Variants in A2ML1 observed in about 807,000 individuals in gnomAD.
A2ML1 encodes alpha-2-macroglobulin like 1.
A2ML1 carries 161 observed loss-of-function variants against 181.9 expected under a neutral mutation model. The ratio of observed to expected loss-of-function variants is 0.89; its 90% CI spans 0.78 to 1.01. The LOEUF (loss-of-function observed/expected upper bound fraction) is 1.01. Among genes scored for constraint, A2ML1 ranks in the 50% least tolerant of loss-of-function variants. A2ML1 has a pLI of 0.00. For missense variants in A2ML1, 1,670 were observed against 1,768.1 expected (o/e 0.94, Z 1.00); for synonymous variants, 663 against 666.8 (o/e 0.99, Z 0.09).
rs1436270574 is a variant in A2ML1 at position 8,847,682 on chromosome 12, AG to A, written c.1818del (p.Glu606AspfsTer2). 1.2e-6 allele frequency: 2 copies of A among 1,612,186 alleles called. No homozygotes were observed. The highest frequency in any genetic ancestry group is 1.7e-6 in the Non-Finnish European group (2 of 1,179,298). ...GTCTTACTGCTTAGGCCAGACAGAG[AG>A]CTGAGCAACCGCTCTGTGAGTAACT... ...ESVLLLRPDR[E>X]LSNRSVYGMF... On this transcript the variant is annotated frameshift_variant, in exon 15 of 36. Coordinates refer to ENST00000299698, the MANE Select transcript of A2ML1 (RefSeq NM_144670.6). LOFTEE classifies it high-confidence loss of function.
chr12:8,850,682 T>C (rs1231046827), intron 18 of A2ML1, among the ~76,000 whole-genome samples: 2 of 152,196 alleles, frequency 1.3e-5, no homozygotes, highest in African/African-American at 4.8e-5. Context: ...TGGATCTAAA[T>C]CTTAAGCAAA....
chr12:8,823,493 A>G, intron 2 of A2ML1, 128 bp downstream of exon 2: 2 of 1,187,518 alleles, frequency 1.7e-6, no homozygotes, highest in Admixed American at 5.1e-5. Context: ...TTTTTTCTCA[A>G]CTTAACCTCA....
At chr12:8,860,613 G>A (rs759366677) in intron 26 of A2ML1, among the ~76,000 whole-genome samples, 14 of 152,056 alleles carry the variant, frequency 9.2e-5, no homozygotes, top group Admixed American at 2.6e-4. Flanking sequence ...CTTCTCTTGG[G>A]TTTCTTAAAT....
chr12:8,874,882 A>AG, intron 34 of A2ML1, 89 bp from the exon 35 acceptor site: 1 of 1,256,020 alleles, frequency 8.0e-7, no homozygotes, highest in South Asian at 1.3e-5. Context: ...ATTCTCTGGA[A>AG]GGGGCTCAAG....
intron 4 of A2ML1, among the ~76,000 whole-genome samples, chr12:8,833,833 T>G (rs992619465): frequency 6.6e-6 from 1 of 152,178 alleles, no homozygotes; most frequent in African/African-American, 2.4e-5. Context: ...GATCTCCTTA[T>G]TTTTTGCTTT....
At chr12:8,871,300 G>T (rs1457135780) in intron 33 of A2ML1, among the ~76,000 whole-genome samples, 1 of 152,144 alleles carries the variant, frequency 6.6e-6, no homozygotes, top group Non-Finnish European at 1.5e-5. Flanking sequence ...GGTGTTCAGT[G>T]TGCACTCCAA....
At chr12:8,845,691 C>CA (rs1057475677) in intron 13 of A2ML1, among the ~76,000 whole-genome samples, 189 bp downstream of exon 13, 7 of 150,054 alleles carry the variant, frequency 4.7e-5, no homozygotes, top group Admixed American at 6.6e-5. Context: ...ACTAAAAATA[C>CA]AAAAAAAAAT....
Position 8,852,857 on chromosome 12 carries a change from G to A in A2ML1, c.2590+521G>A, listed in dbSNP as rs1027947457. 1.1e-4 allele frequency among the ~76,000 whole-genome samples: 17 copies of A among 152,010 alleles called. No individual in the cohort carries two copies. The highest frequency in any genetic ancestry group is 4.6e-4 in the Admixed American group (7 of 15,264). On this transcript the variant is annotated intron_variant, in intron 20 of 35. Coordinates refer to ENST00000299698, the MANE Select transcript of A2ML1 (RefSeq NM_144670.6). The surrounding 1 kb of genome is among the most constrained non-coding windows in gnomAD (Gnocchi z 4.2). ...ATTACAGTCGCGTGCCACCCTACCCGGCTAATTTTTGTACTTTTAGTAGAG... is the reference window on the plus strand; with the variant it reads ...ATTACAGTCGCGTGCCACCCTACCCAGCTAATTTTTGTACTTTTAGTAGAG...
intron 5 of A2ML1, 84 bp from the exon 6 acceptor site, chr12:8,835,423 G>A: frequency 6.4e-7 from 1 of 1,565,644 alleles, no homozygotes; most frequent in Non-Finnish European, 8.7e-7. Flanking sequence ...TTTTTTACCT[G>A]CCTTTTGCTT....
chr12:8,828,530 G>A (rs763233808), intron 3 of A2ML1, among the ~76,000 whole-genome samples: 2 of 152,248 alleles, frequency 1.3e-5, no homozygotes, highest in South Asian at 4.2e-4. Flanking sequence ...AGCAGGTCCA[G>A]AAATGGCATC....
At chr12:8,841,611 C>T in intron 11 of A2ML1, 75 bp downstream of exon 11, 1 of 1,455,798 alleles carries the variant, frequency 6.9e-7, no homozygotes, top group Non-Finnish European at 9.4e-7. Context: ...TTTCCTGTTT[C>T]CTATTCTCCC....
At chr12:8,848,588 A>C (rs1391900253) in intron 15 of A2ML1, 132 bp from the exon 16 acceptor site, 1 of 669,370 alleles carries the variant, frequency 1.5e-6, no homozygotes, top group Non-Finnish European at 2.4e-6. Flanking sequence ...GACAGAATGA[A>C]TATAAAAATA....
chr12:8,852,205 C>G lies in A2ML1; in HGVS notation c.2464-5C>G. On this transcript the variant is annotated splice_region_variant and splice_polypyrimidine_tract_variant and intron_variant, in intron 19 of 35. Coordinates refer to ENST00000299698, the MANE Select transcript of A2ML1 (RefSeq NM_144670.6). The surrounding 1 kb of genome is among the most constrained non-coding windows in gnomAD (Gnocchi z 4.2). ...TACCCTTTGTCTCTTAAACATCCTC[C>G]GTAGGTTCAGACTGACCTGGCTAAA... 1 of 1,613,968 alleles carries G rather than the reference C, an allele frequency of 6.2e-7. No homozygotes were observed. Among genetic ancestry groups the G allele is most frequent in the South Asian group, 1.1e-5 (1 of 91,064 alleles).
At chr12:8,844,298 C>A (rs1489539903) in intron 12 of A2ML1, among the ~76,000 whole-genome samples, 3 of 146,824 alleles carry the variant, frequency 2.0e-5, no homozygotes, top group African/African-American at 7.6e-5. Flanking sequence ...GACAGGGTTT[C>A]GCCATGTTGG....
chr12:8,869,076 G>T, intron 32 of A2ML1, 59 bp from the exon 33 acceptor site: 4 of 1,549,022 alleles, frequency 2.6e-6, no homozygotes, highest in Non-Finnish European at 3.6e-6. Context: ...AGCTTTGGAA[G>T]ACTACCCCAG....
chr12:8,873,785 G>A (rs1359695313), intron 33 of A2ML1, among the ~76,000 whole-genome samples: 1 of 152,078 alleles, frequency 6.6e-6, no homozygotes, highest in African/African-American at 2.4e-5. Flanking sequence ...GCATAGAACT[G>A]TTGGAGTAAA....
intron 33 of A2ML1, 84 bp from the exon 34 acceptor site, chr12:8,874,341 C>T: frequency 9.0e-7 from 1 of 1,108,208 alleles, no homozygotes; most frequent in Non-Finnish European, 1.4e-6. Flanking sequence ...TACATGAAGA[C>T]AGCAAGGGTC....
intron 20 of A2ML1, 32 bp from the exon 21 acceptor site, chr12:8,854,096 G>C: frequency 6.5e-7 from 1 of 1,536,152 alleles, no homozygotes; most frequent in Non-Finnish European, 8.8e-7. Context: ...TCTGGCAATA[G>C]GGCTAATGGC....
At chr12:8,831,717 T>C (rs1161633832) in intron 4 of A2ML1, among the ~76,000 whole-genome samples, 1 of 152,158 alleles carries the variant, frequency 6.6e-6, no homozygotes, top group Admixed American at 6.5e-5. Context: ...TCAGTCTCCC[T>C]GAGCATTTGG....
Sources: gnomAD v4.1 joint callset for allele counts (sites outside exome capture counted in the v4.1 genomes callset) on GRCh38, gnomAD v4.1.1 for gene constraint, Gnocchi (gnomAD v3.1) non-coding constraint, MANE v1.5 for transcripts, NCBI Gene and HGNC (gene_info 2026-07-23, HGNC 2026-07-21) for gene names.